The following PTPRD variants were observed in gnomAD, a reference collection of about 807,000 sequenced individuals.
PTPRD encodes the protein receptor-type tyrosine-protein phosphatase delta.
In PTPRD, 34 loss-of-function variants were observed where a neutral mutation model predicts 214.5. The ratio of observed to expected loss-of-function variants is 0.16; its 90% CI spans 0.12 to 0.21. The LOEUF (loss-of-function observed/expected upper bound fraction) is 0.21. Among genes scored for constraint, PTPRD ranks in the 10% least tolerant of loss-of-function variants. PTPRD has a pLI of 1.00. For synonymous variants in PTPRD, 1,128 were observed against 845.7 expected, an observed-to-expected ratio of 1.33 and a Z score of -5.79; for missense variants, 2,545 against 2,398.7, an observed-to-expected ratio of 1.06 and a Z score of -1.27.
chr9:10,390,559 A>G (rs1337167099), intron 2 of PTPRD, among the ~76,000 whole-genome samples: 1 of 151,780 alleles, frequency 6.6e-6, no homozygotes, highest in Admixed American at 6.6e-5. Flanking sequence ...AGATAATCTC[A>G]ATAGAGTGGT....
At chr9:9,577,768 G>A (rs946180347) in intron 7 of PTPRD, among the ~76,000 whole-genome samples, 5 of 151,734 alleles carry the variant, frequency 3.3e-5, no homozygotes, top group Non-Finnish European at 2.9e-5. Flanking sequence ...GGATCAGTCC[G>A]GGCACGGTGG....
intron 4 of PTPRD, among the ~76,000 whole-genome samples, chr9:9,983,931 C>T (rs1046903036): frequency 5.9e-5 from 9 of 151,906 alleles, no homozygotes; most frequent in Admixed American, 4.6e-4. Context: ...CTCTCTAGTG[C>T]CCTCTTAGAG....
At chr9:9,770,285 T>C (rs546908947) in intron 5 of PTPRD, among the ~76,000 whole-genome samples, 35 of 152,224 alleles carry the variant, frequency 2.3e-4, no homozygotes, top group Non-Finnish European at 4.0e-4. Context: ...TTCCTGACTT[T>C]TTAATGATTG....
At chr9:8,979,019 T>G (rs955912959) in intron 11 of PTPRD, among the ~76,000 whole-genome samples, 1 of 152,144 alleles carries the variant, frequency 6.6e-6, no homozygotes, top group African/African-American at 2.4e-5. Flanking sequence ...AAGAGTCTTG[T>G]GAAGTTGAAA....
chr9:10,334,704 C>A (rs1010849316), intron 3 of PTPRD, among the ~76,000 whole-genome samples: 4 of 151,376 alleles, frequency 2.6e-5, no homozygotes, highest in African/African-American at 9.7e-5. Context: ...ACTAATCAGC[C>A]GTTATAGCAA....
chr9:9,533,863 T>C (rs1286700566), intron 8 of PTPRD, among the ~76,000 whole-genome samples: 1 of 152,114 alleles, frequency 6.6e-6, no homozygotes, highest in African/African-American at 2.4e-5. Flanking sequence ...TTTTTCTTAC[T>C]GTATGTTGAA....
chr9:8,443,267 C>T (rs894264695), intron 34 of PTPRD, among the ~76,000 whole-genome samples: 7 of 152,082 alleles, frequency 4.6e-5, no homozygotes, highest in East Asian at 1.9e-4. Context: ...AGGACACATC[C>T]GGTATTCTTA....
chr9:8,343,890 C>A (rs1455173810), intron 39 of PTPRD, among the ~76,000 whole-genome samples: 1 of 152,004 alleles, frequency 6.6e-6, no homozygotes, highest in Non-Finnish European at 1.5e-5. Context: ...GGAAGCAGGA[C>A]TCTTCAGACC....
intron 3 of PTPRD, among the ~76,000 whole-genome samples, chr9:10,183,723 G>T (rs1468086016): frequency 6.6e-6 from 1 of 152,052 alleles, no homozygotes; most frequent in Non-Finnish European, 1.5e-5. Flanking sequence ...GAGGACACAA[G>T]AAACAATTGT....
In PTPRD at chr9:9,950,110, TG is replaced by T. The variant is rs386732495; in HGVS notation, c.-471-11501del. On this transcript the variant is annotated intron_variant, in intron 4 of 45. Transcript: ENST00000381196. Reference sequence around the variant, plus strand: ...GTATCACGTCAGGTTTCCCTGGCCTTGTTTTTTGTCCCAGCTGTCACTGTGA... The same window carrying T: ...GTATCACGTCAGGTTTCCCTGGCCTTTTTTTTGTCCCAGCTGTCACTGTGA... Among the ~76,000 whole-genome samples the T allele has an allele frequency of 3.1e-3, 467 of 152,304 alleles. 3 individuals carry two copies. The highest frequency in any genetic ancestry group is 9.8e-3 in the African/African-American group (408 of 41,574).
intron 2 of PTPRD, among the ~76,000 whole-genome samples, chr9:10,403,337 A>C (rs2098307157): frequency 6.7e-6 from 1 of 148,210 alleles, no homozygotes; most frequent in South Asian, 2.1e-4. Context: ...ATGAAAATCT[A>C]AGTACACAGA....
intron 9 of PTPRD, among the ~76,000 whole-genome samples, chr9:9,230,177 G>GGGT (rs1488748525): frequency 6.6e-6 from 1 of 152,086 alleles, no homozygotes; most frequent in East Asian, 1.9e-4. Context: ...GAGACAATGG[G>GGGT]GGTGGGTGGG....
At chr9:10,121,770 C>T (rs1398173198) in intron 3 of PTPRD, among the ~76,000 whole-genome samples, 1 of 152,150 alleles carries the variant, frequency 6.6e-6, no homozygotes, top group Non-Finnish European at 1.5e-5. Flanking sequence ...TTTACGCAGA[C>T]CCTTTGTAGG....
At chr9:9,674,759 T>C (rs944782654) in intron 7 of PTPRD, among the ~76,000 whole-genome samples, 1 of 151,838 alleles carries the variant, frequency 6.6e-6, no homozygotes, top group South Asian at 2.1e-4. Flanking sequence ...ACTGGGAAGA[T>C]GTACAATTCT....
At chr9:8,332,678 T>A (rs998215042) in intron 43 of PTPRD, among the ~76,000 whole-genome samples, 1 of 152,134 alleles carries the variant, frequency 6.6e-6, no homozygotes, top group African/African-American at 2.4e-5. Context: ...TGTGGAAATT[T>A]AAGGTGTTTC....
chr9:8,475,731 C>T (rs533039802), intron 30 of PTPRD, among the ~76,000 whole-genome samples: 1 of 152,166 alleles, frequency 6.6e-6, no homozygotes, highest in Non-Finnish European at 1.5e-5. Flanking sequence ...TGCCTTTATT[C>T]TCTCCCTCTG....
Position 9,591,188 on chromosome 9 carries a change from T to C in PTPRD, c.-286-16407A>G, listed in dbSNP as rs368932382. On this transcript the variant is annotated intron_variant, in intron 7 of 45. Coordinates refer to ENST00000381196, the MANE Select transcript of PTPRD (RefSeq NM_002839.4). ...TTCTCTGGCTGTGGTTAGATGGATG[T>C]GGCGGAAGTCAGAGAGATTGAAAGC... 7.9e-5 allele frequency among the ~76,000 whole-genome samples: 12 copies of C among 151,476 alleles called. No individual in the cohort carries two copies. In the East Asian group the frequency reaches 2.1e-3, roughly 27 times the overall value.
chr9:9,235,686 T>A (rs748713992), intron 9 of PTPRD, among the ~76,000 whole-genome samples: 3 of 152,164 alleles, frequency 2.0e-5, no homozygotes, highest in Non-Finnish European at 4.4e-5. Flanking sequence ...AAAAGCCAGA[T>A]AAAAAAGGTC....
intron 2 of PTPRD, among the ~76,000 whole-genome samples, chr9:10,422,780 G>C (rs915021640): frequency 7.9e-5 from 12 of 152,032 alleles, no homozygotes; most frequent in Non-Finnish European, 4.4e-5. Context: ...AGTTAGAATG[G>C]CGATCATTAA....
Sources: gnomAD v4.1 joint callset for allele counts (sites outside exome capture counted in the v4.1 genomes callset) on GRCh38, gnomAD v4.1.1 for gene constraint, MANE v1.5 for transcripts, NCBI Gene and HGNC (gene_info 2026-07-23, HGNC 2026-07-21) for gene names.